Variants in MMP17 observed in about 807,000 individuals in gnomAD.
The protein encoded by MMP17 is matrix metallopeptidase 17, also known as matrix metalloproteinase-17.
In MMP17, 54 loss-of-function variants were observed where a neutral mutation model predicts 49.1. That is an observed-to-expected ratio of 1.10 (90% CI 0.88 to 1.38). The LOEUF (loss-of-function observed/expected upper bound fraction) is 1.38, where lower values mean the gene tolerates loss of function less well. MMP17 is among the 40% of genes most tolerant of loss of function. MMP17 has a pLI of 0.00. For synonymous variants in MMP17, 397 were observed against 383.1 expected (o/e 1.04, Z -0.42); for missense variants, 837 against 853.7 (o/e 0.98, Z 0.24).
chr12:131,829,389 G>C (rs554130549), intron 1 of MMP17, among the ~76,000 whole-genome samples: 1 of 152,316 alleles, frequency 6.6e-6, no homozygotes, highest in South Asian at 2.1e-4. Flanking sequence ...CCCCTCCCCT[G>C]TTCCGCAGCC....
intron 1 of MMP17, among the ~76,000 whole-genome samples, chr12:131,831,180 G>A (rs1387291565): frequency 4.6e-5 from 7 of 152,362 alleles, no homozygotes; most frequent in Admixed American, 3.9e-4. Context: ...CCGGACTCGC[G>A]GCGAGAGTGT....
At chr12:131,839,723 G>A (rs1225553772) in intron 3 of MMP17, among the ~76,000 whole-genome samples, 2 of 152,160 alleles carry the variant, frequency 1.3e-5, no homozygotes, top group Non-Finnish European at 2.9e-5. Flanking sequence ...CAAGGCGGGC[G>A]GATCATTTGA....
chr12:131,837,659 T>C (rs1887148131), intron 1 of MMP17, among the ~76,000 whole-genome samples: 1 of 152,262 alleles, frequency 6.6e-6, no homozygotes, highest in Non-Finnish European at 1.5e-5. Context: ...CATGAGTGGT[T>C]GTACAGGTCG....
At chr12:131,841,948 T>A in intron 5 of MMP17, 148 bp downstream of exon 5, 1 of 893,174 alleles carries the variant, frequency 1.1e-6, no homozygotes, top group Non-Finnish European at 1.7e-6. Flanking sequence ...CGCTCTGGCC[T>A]GTCCACAGAG....
At chr12:131,844,716 C>A in intron 6 of MMP17, 1 of 256,172 alleles carries the variant, frequency 3.9e-6, no homozygotes, top group Non-Finnish European at 7.7e-6. Flanking sequence ...CACCTTGTCC[C>A]TGACCTTCTG....
intron 8 of MMP17, among the ~76,000 whole-genome samples, chr12:131,845,665 A>G (rs529360693): frequency 6.6e-6 from 1 of 152,308 alleles, no homozygotes; most frequent in Admixed American, 6.5e-5. Context: ...CAGAGGGCAA[A>G]ACGATGGAAA....
At chr12:131,844,225 CT>C (rs1248986633) in intron 6 of MMP17, 144 bp downstream of exon 6, 1 of 712,374 alleles carries the variant, frequency 1.4e-6, no homozygotes, top group Admixed American at 2.8e-5. Context: ...GACATTTTGT[CT>C]TTTCTTAAAC....
At position 131,849,644 on chromosome 12, in the gene MMP17, C is replaced by A. The variant is rs1189167466; in HGVS notation, c.1205-158C>A. 4.6e-5 allele frequency among the ~76,000 whole-genome samples: 7 copies of A among 152,230 alleles called. No homozygotes were observed. In the East Asian group the frequency reaches 1.2e-3, roughly 25 times the overall value. On this transcript the variant is annotated intron_variant, in intron 8 of 9. Coordinates refer to ENST00000360564, the MANE Select transcript of MMP17 (RefSeq NM_016155.7). ...GTGCTCACTAAGTATCCATGTGGCC[C>A]CTGTGATGTGGGGTGATTGCAGTGT... is the stretch of plus-strand genomic sequence containing the variant.
intron 8 of MMP17, among the ~76,000 whole-genome samples, chr12:131,847,342 G>A (rs1288145955): frequency 6.6e-6 from 1 of 151,398 alleles, no homozygotes; most frequent in East Asian, 1.9e-4. Context: ...GAACCTGGGA[G>A]GCGGAGTTTG....
intron 5 of MMP17, among the ~76,000 whole-genome samples, chr12:131,842,883 CACCCACT>C (rs2136330240): frequency 6.6e-6 from 1 of 152,286 alleles, no homozygotes; most frequent in East Asian, 1.9e-4. Context: ...ACTTTTTCAT[CACCCACT>C]ACCACCGAAG....
intron 1 of MMP17, among the ~76,000 whole-genome samples, chr12:131,830,114 A>T (rs1158827094): frequency 1.3e-5 from 2 of 152,204 alleles, no homozygotes; most frequent in African/African-American, 4.8e-5. Context: ...AATGCCAGGG[A>T]AGGACTCAAG....
At chr12:131,836,939 T>G (rs1346312125) in intron 1 of MMP17, among the ~76,000 whole-genome samples, 1 of 151,938 alleles carries the variant, frequency 6.6e-6, no homozygotes, top group African/African-American at 2.4e-5. Context: ...GGCACCCAGG[T>G]CCCCACAGAT....
chr12:131,849,735 G>A lies in MMP17; in HGVS notation c.1205-67G>A. The A allele has an allele frequency of 4.5e-6, 7 of 1,539,142 alleles. No individual in the cohort carries two copies. In the South Asian group the frequency reaches 8.8e-5, roughly 19 times the overall value. On this transcript the variant is annotated intron_variant, in intron 8 of 9. Coordinates refer to ENST00000360564, the MANE Select transcript of MMP17 (RefSeq NM_016155.7). The stretch of plus-strand genomic sequence containing the variant: ...GGGCGGCTGACACAGGAGAAGGAAA[G>A]GCAGGAGCCTCCTGCCCTTCGGGGT...
intron 1 of MMP17, among the ~76,000 whole-genome samples, chr12:131,835,606 G>A (rs997066317): frequency 6.6e-6 from 1 of 152,204 alleles, no homozygotes; most frequent in African/African-American, 2.4e-5. Flanking sequence ...GAAGGCTGGG[G>A]GGTGAGTTGT....
chr12:131,842,770 CAAA>C (rs573817678), intron 5 of MMP17, among the ~76,000 whole-genome samples: 70 of 133,120 alleles, frequency 5.3e-4, no homozygotes, highest in African/African-American at 1.8e-3. Flanking sequence ...GAGACTGCCT[CAAA>C]AAAAAAAAAA....
Position 131,840,393 on chromosome 12 carries a change from A to T in MMP17, c.423-180A>T, listed in dbSNP as rs1887323821. The T allele has an allele frequency of 5.0e-6, 3 of 601,776 alleles. No individual in the cohort carries two copies. The Admixed American group carries it at 9.0e-5, about 18-fold the overall frequency. 37.3% of individuals were successfully genotyped at this position (601,776 alleles called of 1,614,324 possible). On this transcript the variant is annotated intron_variant, in intron 3 of 9. Coordinates refer to ENST00000360564, the MANE Select transcript of MMP17 (RefSeq NM_016155.7). Reference sequence around the variant, plus strand: ...TTTCCCTCCCTCCGTCATCTATCCCAGTGAACTACTGGAACCGCCGTGAGT... The same window carrying T: ...TTTCCCTCCCTCCGTCATCTATCCCTGTGAACTACTGGAACCGCCGTGAGT...
chr12:131,839,673 C>T (rs1168441553), intron 3 of MMP17, among the ~76,000 whole-genome samples: 1 of 152,102 alleles, frequency 6.6e-6, no homozygotes, highest in African/African-American at 2.4e-5. Flanking sequence ...CAGGGCTGGG[C>T]ATGGTGGCTC....
At chr12:131,836,476 CTT>C (rs35237414) in intron 1 of MMP17, among the ~76,000 whole-genome samples, 89 of 142,296 alleles carry the variant, frequency 6.3e-4, no homozygotes, top group Non-Finnish European at 8.5e-4. Context: ...TTTCTTTTTC[CTT>C]TTTTTTTTTT....
At chr12:131,843,244 G>A (rs1017088680) in intron 5 of MMP17, among the ~76,000 whole-genome samples, 9 of 149,812 alleles carry the variant, frequency 6.0e-5, no homozygotes, top group African/African-American at 2.2e-4. Context: ...GGGATTATAG[G>A]CGTGAGCCAC....
Sources: allele counts gnomAD v4.1 joint callset (sites outside exome capture counted in the v4.1 genomes callset), GRCh38; gene constraint gnomAD v4.1.1; transcripts MANE v1.5; gene names NCBI Gene and HGNC (gene_info 2026-07-23, HGNC 2026-07-21).